DPP6: variants seen among roughly 807,000 people sequenced by gnomAD.
DPP6 encodes the protein dipeptidyl peptidase like 6, also known as A-type potassium channel modulatory protein DPP6.
DPP6 carries 69 observed loss-of-function variants against 122.6 expected under a neutral mutation model. The observed-to-expected ratio is 0.56, with a 90% CI of 0.46 to 0.69. The LOEUF is 0.69. Ranked by LOEUF, DPP6 falls within the 30% of genes least tolerant of loss-of-function variation. The pLI is 0.00. For missense variants in DPP6, 928 were observed against 1,116.9 expected, an observed-to-expected ratio of 0.83 and a Z score of 2.41; for synonymous variants, 418 against 433.1, an observed-to-expected ratio of 0.97 and a Z score of 0.43.
At chr7:154,112,361 G>C (rs144945156) in intron 1 of DPP6, among the ~76,000 whole-genome samples, 3,387 of 152,144 alleles carry the variant, frequency 0.022, 46 homozygotes, top group Non-Finnish European at 0.036. Flanking sequence ...TAGATAAAAG[G>C]TGGCCAGGCA....
intron 1 of DPP6, among the ~76,000 whole-genome samples, chr7:154,427,043 G>A (rs1358078305): frequency 1.3e-5 from 2 of 152,004 alleles, no homozygotes; most frequent in Non-Finnish European, 2.9e-5. Flanking sequence ...AATAATTTTG[G>A]TGAGCGTGTC....
intron 8 of DPP6, among the ~76,000 whole-genome samples, chr7:154,757,010 C>T (rs1843714711): frequency 1.3e-5 from 2 of 151,708 alleles, no homozygotes; most frequent in East Asian, 1.9e-4. Flanking sequence ...AGGAACAGGC[C>T]AGCCCCTTCT....
At chr7:154,433,588 C>T (rs544736409) in intron 1 of DPP6, among the ~76,000 whole-genome samples, 5 of 152,072 alleles carry the variant, frequency 3.3e-5, no homozygotes, top group Admixed American at 2.6e-4. Context: ...CGTGCACACC[C>T]GGGGGTTCTA....
At chr7:154,067,497 A>AG (rs1373814536) in intron 1 of DPP6, among the ~76,000 whole-genome samples, 1 of 152,124 alleles carries the variant, frequency 6.6e-6, no homozygotes, top group Non-Finnish European at 1.5e-5. Flanking sequence ...CAGAGTATTC[A>AG]GGGAGGTATG....
rs1027814437 is a variant in DPP6 at position 154,877,270 on chromosome 7, A to T, written c.2078+1170A>T. 6.6e-6 allele frequency: 1 copy of T among 152,160 alleles called. No individual in the cohort carries two copies. Among genetic ancestry groups the T allele is most frequent in the African/African-American group, 2.4e-5 (1 of 41,424 alleles). 9.4% of individuals were successfully genotyped at this position (152,160 alleles called of 1,614,324 possible). A position where few individuals can be genotyped will look rare whatever the true frequency, so the allele number is the denominator to read the frequency against. On this transcript the variant is annotated intron_variant, in intron 20 of 25. Transcript: ENST00000377770. The surrounding 1 kb of genome is among the most constrained non-coding windows in gnomAD (Gnocchi z 5.2). ...GAGCTGGGTGATGGCAGACAAAGCA[A>T]TTGCTTCAGAAACCCGTGTTGCAGC...
intron 1 of DPP6, chr7:154,305,053 AG>A (rs1806188822): frequency 1.3e-5 from 1 of 76,256 alleles, no homozygotes; most frequent in African/African-American, 6.6e-5. Flanking sequence ...CCCCAGCCCC[AG>A]CCCCAGCCCC....
At chr7:153,764,290 T>G in the DPP6 span, among the ~76,000 whole-genome samples, 1 of 152,130 alleles carries the variant, frequency 6.6e-6, no homozygotes, top group Non-Finnish European at 1.5e-5. Context: ...GCCCCCTTCC[T>G]GGTATGTTCC....
intron 4 of DPP6, among the ~76,000 whole-genome samples, chr7:154,546,844 A>G (rs893077592): frequency 6.6e-6 from 1 of 152,224 alleles, no homozygotes; most frequent in African/African-American, 2.4e-5. Context: ...ACTCGAGACT[A>G]CTTTCTTTTT....
chr7:154,619,123 T>C (rs1409009294), intron 5 of DPP6, among the ~76,000 whole-genome samples: 1 of 152,200 alleles, frequency 6.6e-6, no homozygotes, highest in Non-Finnish European at 1.5e-5. Flanking sequence ...TCCCCAGCCA[T>C]GTGGAACTGT....
intron 1 of DPP6, among the ~76,000 whole-genome samples, chr7:153,935,731 C>G (rs914140591): frequency 6.6e-6 from 1 of 152,316 alleles, no homozygotes; most frequent in Admixed American, 6.5e-5. Context: ...TGGCTCAGAC[C>G]CCAATCTGCA....
chr7:154,186,722 CTTAA>C (rs1457730381), intron 1 of DPP6, among the ~76,000 whole-genome samples: 2 of 152,200 alleles, frequency 1.3e-5, no homozygotes, highest in Non-Finnish European at 2.9e-5. Flanking sequence ...CAAAGAATTC[CTTAA>C]TTATTTAGGA....
intron 1 of DPP6, chr7:154,027,069 T>C (rs992995054): frequency 1.4e-4 from 20 of 147,672 alleles, no homozygotes; most frequent in African/African-American, 4.8e-4. Context: ...GGGAAAATAA[T>C]GCAAAAGAGA....
intron 13 of DPP6, among the ~76,000 whole-genome samples, chr7:154,803,087 C>CA (rs1798473485): frequency 6.6e-6 from 1 of 152,184 alleles, no homozygotes; most frequent in African/African-American, 2.4e-5. Context: ...TCTGCGCCCC[C>CA]AGGCCCTGCT....
At chr7:154,854,075 C>T (rs1802620598) in intron 17 of DPP6, among the ~76,000 whole-genome samples, 1 of 152,188 alleles carries the variant, frequency 6.6e-6, no homozygotes, top group African/African-American at 2.4e-5. Flanking sequence ...TCATTCCAGG[C>T]CTACCCAGGT....
At chr7:154,019,613 A>G (rs563929550) in intron 1 of DPP6, among the ~76,000 whole-genome samples, 2 of 152,348 alleles carry the variant, frequency 1.3e-5, no homozygotes, top group South Asian at 4.1e-4. Flanking sequence ...CAAGGAGCAC[A>G]TACAAAGCAG....
At chr7:154,073,103 C>T (rs1233330034) in intron 1 of DPP6, among the ~76,000 whole-genome samples, 2 of 152,204 alleles carry the variant, frequency 1.3e-5, no homozygotes. Flanking sequence ...ACCTCAGCCT[C>T]ATGTCCTCTG....
Position 154,417,778 on chromosome 7 carries a change from GGCTACTCTGTGCCA to G in DPP6, c.244-28421_244-28408del, listed in dbSNP as rs567732230. On this transcript the variant is annotated intron_variant, in intron 1 of 25. Coordinates refer to ENST00000377770, the MANE Select transcript of DPP6 (RefSeq NM_130797.4). ...TGCATTTAGTCCTCCCCATCTTCAT[GGCTACTCTGTGCCA>G]GCTACTCTGTGCCACCCTCATCGCC... Among the ~76,000 whole-genome samples the G allele has an allele frequency of 2.6e-3, 403 of 152,264 alleles. 2 individuals carry two copies. Among genetic ancestry groups the G allele is most frequent in the Middle Eastern group, 6.8e-3 (2 of 294 alleles).
rs199615219 is a variant in DPP6, at chr7:154,602,750, C to CTT, written c.628-35057_628-35056dup. 5.3e-4 allele frequency among the ~76,000 whole-genome samples: 48 copies of CTT among 90,926 alleles called. 4 individuals carry two copies. The highest frequency in any genetic ancestry group is 1.5e-3 in the African/African-American group (47 of 31,090). The allele number at this position is 90,926 out of a possible 152,430, so 59.7% of individuals were successfully genotyped here. A position where few individuals can be genotyped will look rare whatever the true frequency, so the allele number is the denominator to read the frequency against. On this transcript the variant is annotated intron_variant, in intron 5 of 25. Transcript: ENST00000377770. ...CTGGCCTATTTCTTAATTCTTAATC[C>CTT]TTTTTTTTTTTTTTTGAGACAGGGT...
chr7:154,562,067 G>A (rs149324381), intron 4 of DPP6, among the ~76,000 whole-genome samples: 125 of 152,076 alleles, frequency 8.2e-4, no homozygotes, highest in African/African-American at 2.9e-3. Context: ...TAGAAGAGGA[G>A]GAAGATATAT....
Sources: gnomAD v4.1 joint callset for allele counts (sites outside exome capture counted in the v4.1 genomes callset) on GRCh38, gnomAD v4.1.1 for gene constraint, Gnocchi (gnomAD v3.1) non-coding constraint, MANE v1.5 for transcripts, NCBI Gene and HGNC (gene_info 2026-07-23, HGNC 2026-07-21) for gene names.